Variants in LARGE1 observed in about 807,000 individuals in gnomAD.
LARGE1 encodes the protein LARGE xylosyl- and glucuronyltransferase 1.
Under a neutral mutation model 87.6 loss-of-function variants are expected in LARGE1, and 43 were observed. That is an observed-to-expected ratio of 0.49 (90% CI 0.38 to 0.63). The LOEUF is 0.63. Among genes scored for constraint, LARGE1 ranks in the 30% least tolerant of loss-of-function variants. LARGE1 has a pLI of 0.00. For synonymous variants in LARGE1, 434 were observed against 394.6 expected (o/e 1.10, Z -1.18); for missense variants, 802 against 1,000.2 (o/e 0.80, Z 2.67).
intron 7 of LARGE1, among the ~76,000 whole-genome samples, chr22:33,403,104 C>A (rs1425408576): frequency 6.6e-6 from 1 of 152,120 alleles, no homozygotes; most frequent in Non-Finnish European, 1.5e-5. Context: ...TACATCTGTG[C>A]CTTTCAGAGC....
At chr22:33,844,440 G>A (rs980632962) in intron 1 of LARGE1, among the ~76,000 whole-genome samples, 4 of 152,090 alleles carry the variant, frequency 2.6e-5, no homozygotes, top group South Asian at 2.1e-4. Context: ...CTCTCCTTTC[G>A]GTGCTTTGAA....
intron 7 of LARGE1, among the ~76,000 whole-genome samples, chr22:33,430,374 C>T (rs1451181287): frequency 6.6e-6 from 1 of 152,160 alleles, no homozygotes; most frequent in Non-Finnish European, 1.5e-5. Context: ...TACCTCCTGA[C>T]CTGCTAAGAG....
intron 5 of LARGE1, among the ~76,000 whole-genome samples, chr22:33,591,411 T>A (rs2078835333): frequency 6.6e-6 from 1 of 152,176 alleles, no homozygotes; most frequent in African/African-American, 2.4e-5. Flanking sequence ...ATGATGTCAT[T>A]ATTGATTTGC....
intron 1 of LARGE1, among the ~76,000 whole-genome samples, chr22:33,880,521 G>A (rs1461931303): frequency 3.3e-5 from 5 of 152,184 alleles, no homozygotes; most frequent in Non-Finnish European, 1.5e-5. Context: ...TGCAGTCTCT[G>A]CCATGTGCGG....
In LARGE1 at chr22:33,663,755, A is replaced by G. The variant is rs570933127; in HGVS notation, c.107-13087T>C. 1.6e-4 allele frequency among the ~76,000 whole-genome samples: 24 copies of G among 152,332 alleles called. No homozygotes were observed. In the South Asian group the frequency reaches 4.8e-3, roughly 30 times the overall value. On this transcript the variant is annotated intron_variant, in intron 2 of 14. Coordinates refer to ENST00000397394, the MANE Select transcript of LARGE1 (RefSeq NM_133642.5). ...CATCTTTTGGCTCTGAAGAGTCCTC[A>G]GTGGACCAACGATCTTCACCAACAA...
intron 2 of LARGE1, among the ~76,000 whole-genome samples, chr22:33,754,997 C>T (rs445198): frequency 0.25 from 38,570 of 152,088 alleles, 5,453 homozygotes; most frequent in East Asian, 0.44. Flanking sequence ...ACCCCCATCC[C>T]GCCTATTCCA....
chr22:33,810,004 G>A (rs561854199), intron 1 of LARGE1, among the ~76,000 whole-genome samples: 1 of 152,154 alleles, frequency 6.6e-6, no homozygotes, highest in Non-Finnish European at 1.5e-5. Context: ...TTATAGGCGG[G>A]TGTTGCTACC....
intron 6 of LARGE1, among the ~76,000 whole-genome samples, chr22:33,547,680 G>A (rs964172679): frequency 6.6e-6 from 1 of 150,818 alleles, no homozygotes; most frequent in African/African-American, 2.4e-5. Context: ...TGTAATTCCA[G>A]CTACTCAGGA....
At chr22:33,278,563 A>T (rs866273798) in intron 13 of LARGE1, among the ~76,000 whole-genome samples, 18,521 of 149,940 alleles carry the variant, frequency 0.12, 1,756 homozygotes, top group African/African-American at 0.28. Flanking sequence ...TCACACACAC[A>T]CACACACACA....
chr22:33,274,488 T>C lies in LARGE1; in HGVS notation c.2210A>G (p.Asp737Gly). The C allele has an allele frequency of 5.0e-6, 8 of 1,614,126 alleles. No homozygotes were observed. The highest frequency in any genetic ancestry group is 6.8e-6 in the Non-Finnish European group (8 of 1,180,018). Reference protein sequence around the residue: ...LKTLKEEFQQDMSRRYGFAAL... With the variant: ...LKTLKEEFQQGMSRRYGFAAL... ...AGCAAAGCCGTAGCGGCGGGACATGTCCTGCTGAAACTCTTCCTTGAGGGT... is the reference window on the plus strand; with the variant it reads ...AGCAAAGCCGTAGCGGCGGGACATGCCCTGCTGAAACTCTTCCTTGAGGGT... The change falls in exon 15 of 15, where the codon GAC becomes GGC. Residue 737 changes from aspartate to glycine, a missense_variant. Coordinates refer to ENST00000397394, the MANE Select transcript of LARGE1 (RefSeq NM_133642.5).
chr22:33,917,517 G>C (rs1569033496), intron 1 of LARGE1, among the ~76,000 whole-genome samples: 1 of 152,166 alleles, frequency 6.6e-6, no homozygotes, highest in East Asian at 1.9e-4. Context: ...AAGTTTGATG[G>C]AGTCCACTGC....
chr22:33,912,750 A>T (rs1227647838), intron 1 of LARGE1, among the ~76,000 whole-genome samples: 2 of 149,904 alleles, frequency 1.3e-5, no homozygotes, highest in Non-Finnish European at 1.5e-5. Context: ...GGAAAGCCTC[A>T]TAAGAGATAA....
At chr22:33,537,984 T>C (rs5749626) in intron 6 of LARGE1, among the ~76,000 whole-genome samples, 67,836 of 151,954 alleles carry the variant, frequency 0.45, 17,085 homozygotes, top group Admixed American at 0.56. Flanking sequence ...GATTCCAACC[T>C]AAGTCCTATG....
intron 12 of LARGE1, among the ~76,000 whole-genome samples, chr22:33,287,764 A>C (rs1931813238): frequency 6.6e-6 from 1 of 152,248 alleles, no homozygotes. Context: ...AAGCTGGGCG[A>C]ACAGCCAGGA....
chr22:33,885,877 C>T (rs1198987935), intron 1 of LARGE1, among the ~76,000 whole-genome samples: 1 of 151,936 alleles, frequency 6.6e-6, no homozygotes, highest in African/African-American at 2.4e-5. Context: ...CCAAAAAATA[C>T]AAAAATTAGC....
intron 1 of LARGE1, among the ~76,000 whole-genome samples, chr22:33,830,080 G>A (rs1894426): frequency 0.26 from 39,894 of 151,988 alleles, 6,671 homozygotes; most frequent in African/African-American, 0.49. Flanking sequence ...GTGCCCACCA[G>A]TCAACAAGGT....
chr22:33,879,076 G>A (rs1226316677), intron 1 of LARGE1, among the ~76,000 whole-genome samples: 2 of 151,714 alleles, frequency 1.3e-5, no homozygotes, highest in Non-Finnish European at 2.9e-5. Context: ...GGGTTCAAGC[G>A]ATTCTCCTGC....
At chr22:33,234,298 G>A (rs1344614247) in intron 11 of LARGE1, among the ~76,000 whole-genome samples, 1 of 152,108 alleles carries the variant, frequency 6.6e-6, no homozygotes, top group Admixed American at 6.5e-5. Context: ...CATTTCATTG[G>A]CCAATGTGAA....
chr22:33,482,297 T>C (rs1163260206), intron 6 of LARGE1, among the ~76,000 whole-genome samples: 2 of 152,214 alleles, frequency 1.3e-5, no homozygotes, highest in African/African-American at 4.8e-5. Context: ...CAAGGTGTTG[T>C]TATTCATGCT....
Sources: gnomAD v4.1 joint callset for allele counts (sites outside exome capture counted in the v4.1 genomes callset) on GRCh38, gnomAD v4.1.1 for gene constraint, MANE v1.5 for transcripts, NCBI Gene and HGNC (gene_info 2026-07-23, HGNC 2026-07-21) for gene names.